Variants in LRRC7 observed in about 807,000 individuals in gnomAD.
The protein encoded by LRRC7 is leucine-rich repeat-containing protein 7.
LRRC7 carries 23 observed loss-of-function variants against 175.7 expected under a neutral mutation model. That is an observed-to-expected ratio of 0.13 (90% CI 0.09 to 0.19). The LOEUF (loss-of-function observed/expected upper bound fraction) is 0.19. LRRC7 is among the 10% of genes least tolerant of loss of function. LRRC7 has a pLI of 1.00. For missense variants in LRRC7, 1,354 were observed against 1,904.7 expected, an observed-to-expected ratio of 0.71 and a Z score of 5.38; for synonymous variants, 685 against 680.9, an observed-to-expected ratio of 1.01 and a Z score of -0.09.
intron 25 of LRRC7, among the ~76,000 whole-genome samples, chr1:70,106,198 TTAAG>T (rs1335065596): frequency 6.6e-6 from 1 of 152,152 alleles, no homozygotes; most frequent in Non-Finnish European, 1.5e-5. Flanking sequence ...AAGTGTACAA[TTAAG>T]TGATTTTTAT....
chr1:69,723,518 T>A (rs202127513), intron 2 of LRRC7, among the ~76,000 whole-genome samples: 2 of 152,324 alleles, frequency 1.3e-5, no homozygotes, highest in East Asian at 3.9e-4. Context: ...TACTGGACAG[T>A]TGTCAGAAAT....
At chr1:69,669,278 T>C (rs1384642952) in intron 1 of LRRC7, among the ~76,000 whole-genome samples, 1 of 152,206 alleles carries the variant, frequency 6.6e-6, no homozygotes, top group East Asian at 1.9e-4. Context: ...GATGAAATCC[T>C]TCAGCCTTTG....
At chr1:70,093,226 A>G (rs1293400362) in intron 25 of LRRC7, among the ~76,000 whole-genome samples, 1 of 152,184 alleles carries the variant, frequency 6.6e-6, no homozygotes, top group Non-Finnish European at 1.5e-5. Flanking sequence ...AAAGATTTTG[A>G]GCCAACAAAT....
intron 11 of LRRC7, among the ~76,000 whole-genome samples, chr1:69,997,079 C>A (rs1385549590): frequency 2.6e-5 from 4 of 152,234 alleles, no homozygotes; most frequent in African/African-American, 9.6e-5. Context: ...TTTCTTTGAG[C>A]AGTGGTTTGT....
intron 1 of LRRC7, among the ~76,000 whole-genome samples, chr1:69,643,987 T>A (rs1654625235): frequency 1.3e-5 from 2 of 152,222 alleles, no homozygotes; most frequent in Admixed American, 1.3e-4. Context: ...TGAATAAAAA[T>A]AAAAATGTAG....
intron 2 of LRRC7, among the ~76,000 whole-genome samples, chr1:69,706,388 T>C (rs550995344): frequency 1.4e-4 from 22 of 152,268 alleles, no homozygotes; most frequent in African/African-American, 4.3e-4. Flanking sequence ...CTAGCATTCG[T>C]CACTTACACC....
chr1:69,844,739 T>C lies in LRRC7; in HGVS notation c.647+6456T>C, dbSNP rs151047635. ...GCTGGATCATATGGTAGTTCTATTTTAAATTTTTTTAGGAAACCATTCACT... is the reference window on the plus strand; with the variant it reads ...GCTGGATCATATGGTAGTTCTATTTCAAATTTTTTTAGGAAACCATTCACT... On this transcript the variant is annotated intron_variant, in intron 7 of 26. Coordinates refer to ENST00000651989, the MANE Select transcript of LRRC7 (RefSeq NM_001370785.2). 1.1e-4 allele frequency among the ~76,000 whole-genome samples: 16 copies of C among 152,262 alleles called. No homozygotes were observed. The East Asian group carries it at 1.7e-3, about 17-fold the overall frequency.
At chr1:69,828,096 A>G (rs1312276353) in intron 5 of LRRC7, among the ~76,000 whole-genome samples, 1 of 152,114 alleles carries the variant, frequency 6.6e-6, no homozygotes, top group African/African-American at 2.4e-5. Flanking sequence ...TAATTTTTCA[A>G]TAATCAGTAC....
At chr1:69,604,822 G>T (rs748585076) in intron 1 of LRRC7, among the ~76,000 whole-genome samples, 3 of 152,112 alleles carry the variant, frequency 2.0e-5, no homozygotes, top group Non-Finnish European at 4.4e-5. Flanking sequence ...AACTTAAAAA[G>T]TGTCCACTCT....
chr1:69,919,268 C>T lies in LRRC7; in HGVS notation c.648-12239C>T, dbSNP rs192680489. 8.5e-4 allele frequency: 408 copies of T among 478,514 alleles called. 3 individuals are homozygous for T. Among genetic ancestry groups the T allele is most frequent in the Non-Finnish European group, 3.5e-4 (94 of 266,154 alleles). The allele number at this position is 478,514 out of a possible 1,614,324, so 29.6% of individuals were successfully genotyped here. A position where few individuals can be genotyped will look rare whatever the true frequency, so the allele number is the denominator to read the frequency against. On this transcript the variant is annotated intron_variant, in intron 7 of 26. Transcript: ENST00000651989. ...TCTGTGGTTGTAGTACACAAGCAGC[C>T]AAATGTATTTGCTAGATACATTAGC...
intron 1 of LRRC7, among the ~76,000 whole-genome samples, chr1:69,647,032 G>A (rs184564545): frequency 6.6e-6 from 1 of 152,228 alleles, no homozygotes; most frequent in African/African-American, 2.4e-5. Flanking sequence ...AAATGTCATA[G>A]TAGGAAACAG....
At chr1:69,865,006 A>C (rs1460638914) in intron 7 of LRRC7, among the ~76,000 whole-genome samples, 1 of 152,204 alleles carries the variant, frequency 6.6e-6, no homozygotes, top group Non-Finnish European at 1.5e-5. Flanking sequence ...TTGCCATGAG[A>C]AAGTTGTTTG....
intron 1 of LRRC7, among the ~76,000 whole-genome samples, chr1:69,569,421 C>T (rs1297666199): frequency 6.6e-6 from 1 of 151,950 alleles, no homozygotes; most frequent in African/African-American, 2.4e-5. Flanking sequence ...GAGGATCTTG[C>T]GTCCTCCTCT....
At chr1:69,927,069 A>C (rs541390011) in intron 7 of LRRC7, among the ~76,000 whole-genome samples, 19 of 152,094 alleles carry the variant, frequency 1.2e-4, no homozygotes, top group East Asian at 1.2e-3. Context: ...ACTTATGAAG[A>C]TTAGTTTGGC....
At chr1:69,579,923 T>C (rs576377790) in intron 1 of LRRC7, among the ~76,000 whole-genome samples, 97 of 151,184 alleles carry the variant, frequency 6.4e-4, no homozygotes, top group Middle Eastern at 6.9e-3. Context: ...TGTGAGCCAC[T>C]GCACCTGGCC....
chr1:69,698,180 T>C (rs1016296125), intron 2 of LRRC7, among the ~76,000 whole-genome samples: 25 of 152,354 alleles, frequency 1.6e-4, no homozygotes, highest in Middle Eastern at 6.8e-3. Context: ...CAGAAGTTTT[T>C]GTGGACTCAG....
At chr1:69,780,520 G>C (rs1028676347) in intron 3 of LRRC7, among the ~76,000 whole-genome samples, 4 of 152,040 alleles carry the variant, frequency 2.6e-5, no homozygotes, top group African/African-American at 9.7e-5. Context: ...AGAGATAAAG[G>C]GAGGGAGAAA....
chr1:69,791,021 C>G (rs967082835), intron 3 of LRRC7, among the ~76,000 whole-genome samples: 6 of 151,922 alleles, frequency 3.9e-5, no homozygotes, highest in Non-Finnish European at 8.8e-5. Context: ...CATGGGAGAA[C>G]AAATGGTAGT....
At chr1:69,776,823 ATCTGTGTGGGTGTGTGGG>A (rs1056509333) in intron 3 of LRRC7, among the ~76,000 whole-genome samples, 1 of 150,716 alleles carries the variant, frequency 6.6e-6, no homozygotes, top group Admixed American at 6.6e-5. Context: ...TTTGGTGTGG[ATCTGTGTGGGTGTGTGGG>A]TCTGTGTGGG....
Sources: gnomAD v4.1 joint callset for allele counts (sites outside exome capture counted in the v4.1 genomes callset) on GRCh38, gnomAD v4.1.1 for gene constraint, MANE v1.5 for transcripts, NCBI Gene and HGNC (gene_info 2026-07-23, HGNC 2026-07-21) for gene names.